Variants in STRBP observed in about 807,000 individuals in gnomAD.
The protein encoded by STRBP is spermatid perinuclear RNA binding protein.
In STRBP, 13 loss-of-function variants were observed where a neutral mutation model predicts 80.1. The ratio of observed to expected loss-of-function variants is 0.16; its 90% CI spans 0.11 to 0.26. STRBP has a LOEUF of 0.26. Among genes scored for constraint, STRBP ranks in the 10% least tolerant of loss-of-function variants. STRBP has a pLI of 1.00. For missense variants in STRBP, 485 were observed against 815.2 expected, an observed-to-expected ratio of 0.59 and a Z score of 4.93; for synonymous variants, 284 against 291.2, an observed-to-expected ratio of 0.98 and a Z score of 0.25.
chr9:123,179,287 G>C, intron 3 of STRBP, 60 bp from the exon 4 acceptor site: 1 of 1,421,564 alleles, frequency 7.0e-7, no homozygotes, highest in Admixed American at 1.8e-5. Flanking sequence ...TGAAAAAGAT[G>C]ATATACAACT....
intron 2 of STRBP, among the ~76,000 whole-genome samples, chr9:123,232,176 G>A (rs2040417030): frequency 6.6e-6 from 1 of 152,122 alleles, no homozygotes; most frequent in African/African-American, 2.4e-5. Flanking sequence ...GCCAGGCTTG[G>A]TGGTACATGC....
intron 11 of STRBP, among the ~76,000 whole-genome samples, chr9:123,155,694 G>T (rs1461887412): frequency 6.6e-6 from 1 of 152,028 alleles, no homozygotes; most frequent in African/African-American, 2.4e-5. Flanking sequence ...AAATAATACA[G>T]GTACAGTTAT....
chr9:123,259,062 CAA>C (rs34065858), intron 1 of STRBP, among the ~76,000 whole-genome samples: 5,299 of 66,240 alleles, frequency 0.08, 475 homozygotes, highest in East Asian at 0.49. Flanking sequence ...GAGGAAAGGG[CAA>C]AAAAAAAAAA....
At chr9:123,121,331 C>T (rs557363482), downstream of STRBP, 2 of 152,310 alleles carry the variant, frequency 1.3e-5, no homozygotes, top group African/African-American at 4.8e-5. Flanking sequence ...CAACATCTAA[C>T]ACAATTAAAT....
chr9:123,204,820 A>G (rs1341894673), intron 2 of STRBP, among the ~76,000 whole-genome samples: 1 of 149,392 alleles, frequency 6.7e-6, no homozygotes, highest in African/African-American at 2.5e-5. Flanking sequence ...GCTACTCGGG[A>G]GGCTGAGGCA....
chr9:123,203,961 G>T (rs370627013), intron 2 of STRBP, among the ~76,000 whole-genome samples: 2 of 150,792 alleles, frequency 1.3e-5, no homozygotes, highest in East Asian at 4.0e-4. Flanking sequence ...AACAGAGCAA[G>T]ACTCTGTCTC....
intron 6 of STRBP, 127 bp from the exon 7 acceptor site, chr9:123,161,195 T>G: frequency 1.4e-6 from 1 of 710,840 alleles, no homozygotes; most frequent in African/African-American, 1.9e-5. Context: ...CCCAGAAAAT[T>G]TCCTCATTTG....
In STRBP at chr9:123,124,447, T is replaced by G; in HGVS notation, c.*1150A>C. The G allele has an allele frequency of 1.0e-6, 1 of 985,426 alleles. No homozygotes were observed. The highest frequency in any genetic ancestry group is 1.2e-6 in the Non-Finnish European group (1 of 829,958). 61.0% of individuals were successfully genotyped at this position (985,426 alleles called of 1,614,324 possible). ...ACCCACTGATCCATTTCCACCAGCA[T>G]CATCAGGTGTCTTAAAAAGAAATGC... On this transcript the variant is annotated 3_prime_UTR_variant, in exon 19 of 19. Coordinates refer to ENST00000348403, the MANE Select transcript of STRBP (RefSeq NM_018387.5).
intron 17 of STRBP, among the ~76,000 whole-genome samples, chr9:123,130,840 A>G (rs971917218): frequency 3.3e-5 from 5 of 151,990 alleles, no homozygotes; most frequent in Admixed American, 6.6e-5. Context: ...TATATATTCA[A>G]TACACCAATT....
At chr9:123,190,853 GT>G (rs1564283479) in intron 2 of STRBP, among the ~76,000 whole-genome samples, 1 of 152,180 alleles carries the variant, frequency 6.6e-6, no homozygotes, top group Non-Finnish European at 1.5e-5. Context: ...AAAAGAGGCA[GT>G]TATTAGCCCT....
chr9:123,236,337 C>A (rs964007050), intron 2 of STRBP, among the ~76,000 whole-genome samples: 1 of 152,020 alleles, frequency 6.6e-6, no homozygotes, highest in African/African-American at 2.4e-5. Flanking sequence ...ATTTCATTTG[C>A]TCATTTTACA....
Position 123,123,015 on chromosome 9 carries a change from G to A in STRBP, c.*2582C>T. On this transcript the variant is annotated 3_prime_UTR_variant, in exon 19 of 19. Coordinates refer to ENST00000348403, the MANE Select transcript of STRBP (RefSeq NM_018387.5). ...ATCAGTCATTGCTTTCAAAAAGAGGGTGTCAGAGTGGAGTGTCTGAAAGCT... is the reference window on the plus strand; with the variant it reads ...ATCAGTCATTGCTTTCAAAAAGAGGATGTCAGAGTGGAGTGTCTGAAAGCT... The A allele has an allele frequency of 2.0e-6, 2 of 985,426 alleles. No individual in the cohort carries two copies. The highest frequency in any genetic ancestry group is 2.4e-6 in the Non-Finnish European group (2 of 829,924). The allele number at this position is 985,426 out of a possible 1,614,324, so 61.0% of individuals were successfully genotyped here.
chr9:123,173,219 T>C (rs2038081307), intron 5 of STRBP, among the ~76,000 whole-genome samples: 2 of 152,198 alleles, frequency 1.3e-5, no homozygotes, highest in African/African-American at 2.4e-5. Context: ...GTAATTTCCA[T>C]TAACAGAACA....
chr9:123,130,633 C>A (rs1383552136), intron 17 of STRBP, among the ~76,000 whole-genome samples: 1 of 152,092 alleles, frequency 6.6e-6, no homozygotes. Flanking sequence ...GAAAGCTTTG[C>A]CCTTTCAATA....
chr9:123,220,115 A>G (rs989366342), intron 2 of STRBP, among the ~76,000 whole-genome samples: 47 of 152,244 alleles, frequency 3.1e-4, no homozygotes, highest in African/African-American at 1.0e-3. Flanking sequence ...ATGGAAAAAG[A>G]GCAAATAAAG....
chr9:123,243,126 G>C (rs112502836), intron 1 of STRBP, among the ~76,000 whole-genome samples: 1 of 151,912 alleles, frequency 6.6e-6, no homozygotes, highest in African/African-American at 2.4e-5. Flanking sequence ...CACAGAGATC[G>C]ATGGAGTAGA....
In STRBP at chr9:123,158,378, C is replaced by G; in HGVS notation, c.887G>C (p.Ser296Thr). 6.2e-7 allele frequency: 1 copy of G among 1,613,640 alleles called. No homozygotes were observed. Among genetic ancestry groups the G allele is most frequent in the Non-Finnish European group, 8.5e-7 (1 of 1,179,686 alleles). ...PCERDPTDALSYMTIQQKEDI... is the reference protein window; with the variant it reads ...PCERDPTDALTYMTIQQKEDI... ...TTCTTTTTGCTGGATGGTCATATAG[C>G]TCAGAGCATCTGTTGGGTCTCGCTC... Residue 296 changes from serine (S) to threonine (T), a missense_variant, in exon 10 of 19, where the codon AGC becomes ACC. Physicochemically the swap from Ser to Thr is moderately conservative, Grantham distance 58 (BLOSUM62 1). Transcript: ENST00000348403.
At chr9:123,200,762 T>TTTTTTTTTTTTTTTTTTTTTTTTTA (rs1554762956) in intron 2 of STRBP, among the ~76,000 whole-genome samples, 1 of 133,486 alleles carries the variant, frequency 7.5e-6, no homozygotes, top group African/African-American at 2.9e-5. Flanking sequence ...TTTTTTTTTT[T>TTTTTTTTTTTTTTTTTTTTTTTTTA]AGTAGAGACC....
chr9:123,171,595 T>TAAA (rs2038012616), intron 5 of STRBP, among the ~76,000 whole-genome samples: 1 of 152,188 alleles, frequency 6.6e-6, no homozygotes, highest in Admixed American at 6.5e-5. Context: ...TGTGGGCATG[T>TAAA]GTGTACATGT....
Sources: allele counts gnomAD v4.1 joint callset (sites outside exome capture counted in the v4.1 genomes callset), GRCh38; gene constraint gnomAD v4.1.1; transcripts MANE v1.5; gene names NCBI Gene and HGNC (gene_info 2026-07-23, HGNC 2026-07-21).